The following KALRN variants were observed in gnomAD, a reference collection of about 807,000 sequenced individuals.
KALRN encodes kalirin RhoGEF kinase.
KALRN carries 70 observed loss-of-function variants against 353.7 expected under a neutral mutation model. The ratio of observed to expected loss-of-function variants is 0.20; its 90% CI spans 0.16 to 0.24. KALRN has a LOEUF of 0.24. KALRN is among the 10% of genes least tolerant of loss of function. KALRN has a pLI of 1.00. For missense variants in KALRN, 2,791 were observed against 3,756.7 expected (o/e 0.74, Z 6.72); for synonymous variants, 1,391 against 1,434.8 (o/e 0.97, Z 0.69).
chr3:124,490,974 T>G, intron 30 of KALRN, 90 bp downstream of exon 30: 1 of 1,197,280 alleles, frequency 8.4e-7, no homozygotes, highest in Non-Finnish European at 1.2e-6. Context: ...TCTCATCTCC[T>G]CCCCGGCCTC....
intron 1 of KALRN, among the ~76,000 whole-genome samples, chr3:124,142,753 AC>A (rs1213626063): frequency 6.7e-6 from 1 of 149,616 alleles, no homozygotes; most frequent in Non-Finnish European, 1.5e-5. Flanking sequence ...TTCCATCTCC[AC>A]CCCCCACCCA....
chr3:124,099,122 ATCTTC>A (rs1578039464), intron 1 of KALRN, among the ~76,000 whole-genome samples: 1 of 152,222 alleles, frequency 6.6e-6, no homozygotes, highest in African/African-American at 2.4e-5. Flanking sequence ...AACATTTCAA[ATCTTC>A]TCTTCTAGCT....
chr3:124,494,692 A>G (rs2108504906), intron 32 of KALRN, among the ~76,000 whole-genome samples: 1 of 152,354 alleles, frequency 6.6e-6, no homozygotes, highest in East Asian at 1.9e-4. Context: ...TGATGAATAG[A>G]CATTGTGTGT....
intron 55 of KALRN, among the ~76,000 whole-genome samples, chr3:124,698,472 C>T (rs2062166465): frequency 6.6e-6 from 1 of 152,172 alleles, no homozygotes; most frequent in Non-Finnish European, 1.5e-5. Flanking sequence ...TCCAAACCTC[C>T]CTGACATATT....
intron 1 of KALRN, among the ~76,000 whole-genome samples, chr3:124,083,985 G>C (rs530809801): frequency 6.6e-6 from 1 of 152,304 alleles, no homozygotes; most frequent in South Asian, 2.1e-4. Flanking sequence ...TAGCGAGAAG[G>C]GACTTGGGAC....
At chr3:124,592,741 C>A (rs1489829529) in intron 34 of KALRN, among the ~76,000 whole-genome samples, 1 of 152,234 alleles carries the variant, frequency 6.6e-6, no homozygotes, top group African/African-American at 2.4e-5. Context: ...GCCTCCCTGC[C>A]TGCTGTAATC....
chr3:124,231,715 T>TA (rs940482385), intron 2 of KALRN, among the ~76,000 whole-genome samples: 1 of 152,182 alleles, frequency 6.6e-6, no homozygotes, highest in Admixed American at 6.5e-5. Context: ...AACTTTATTT[T>TA]TTTTTTTTAA....
chr3:124,358,944 G>A (rs866955457), intron 10 of KALRN, among the ~76,000 whole-genome samples: 3 of 152,106 alleles, frequency 2.0e-5, no homozygotes, highest in Non-Finnish European at 2.9e-5. Context: ...ATCAGGCCTG[G>A]TGGGGATCAG....
chr3:124,295,542 A>G (rs2076781254), intron 5 of KALRN, among the ~76,000 whole-genome samples: 1 of 152,084 alleles, frequency 6.6e-6, no homozygotes, highest in South Asian at 2.1e-4. Context: ...TCTGGTGCTG[A>G]GCAATCTAAT....
intron 10 of KALRN, among the ~76,000 whole-genome samples, chr3:124,361,842 G>C (rs1295894360): frequency 6.7e-6 from 1 of 149,346 alleles, no homozygotes; most frequent in South Asian, 2.1e-4. Context: ...GCAGCAGTGG[G>C]GGTGGGGAGT....
In KALRN at chr3:124,562,493, G is replaced by A. The variant is rs148861467; in HGVS notation, c.4936-350G>A. Among the ~76,000 whole-genome samples, 3 of 152,288 alleles carry A rather than the reference G, an allele frequency of 2.0e-5. No individual in the cohort carries two copies. In the East Asian group the frequency reaches 5.8e-4, roughly 29 times the overall value. ...GGGAAGGGGTTTAACGGCACAATTA[G>A]CTGAAGCTTGGCAAAGGAATAATGA... On this transcript the variant is annotated intron_variant, in intron 33 of 59. Transcript: ENST00000682506.
At chr3:124,677,688 G>A in intron 49 of KALRN, 1 of 440,104 alleles carries the variant, frequency 2.3e-6, no homozygotes, top group Non-Finnish European at 4.5e-6. Context: ...TTTGGGAGTG[G>A]CCCTGCCCAA....
intron 10 of KALRN, among the ~76,000 whole-genome samples, chr3:124,368,988 G>C (rs893256006): frequency 1.3e-5 from 2 of 151,942 alleles, no homozygotes; most frequent in African/African-American, 2.4e-5. Flanking sequence ...GCAGTGAGCC[G>C]AGATGGCAGC....
At chr3:124,572,959 C>T (rs1421128786) in intron 34 of KALRN, among the ~76,000 whole-genome samples, 1 of 152,030 alleles carries the variant, frequency 6.6e-6, no homozygotes, top group East Asian at 1.9e-4. Flanking sequence ...ATCACTTGAG[C>T]CCAGGAGGTC....
intron 1 of KALRN, among the ~76,000 whole-genome samples, chr3:124,039,613 T>C (rs114935696): frequency 0.02 from 2,972 of 152,296 alleles, 90 homozygotes; most frequent in African/African-American, 0.066. Flanking sequence ...CCTTAAACTA[T>C]TGTCATGTCC....
chr3:124,395,384 C>T (rs746815531), intron 12 of KALRN, 41 bp downstream of exon 12: 8 of 1,527,624 alleles, frequency 5.2e-6, no homozygotes, highest in Non-Finnish European at 7.2e-6. Flanking sequence ...ATGCCTCGGG[C>T]TAGACGTGAG....
At chr3:124,540,212 C>T (rs1205345319) in intron 33 of KALRN, among the ~76,000 whole-genome samples, 1 of 152,038 alleles carries the variant, frequency 6.6e-6, no homozygotes, top group Admixed American at 6.5e-5. Flanking sequence ...AGCCACTGCA[C>T]CCGGCCACAT....
At chr3:124,424,284 C>G (rs1212819539) in intron 15 of KALRN, among the ~76,000 whole-genome samples, 2 of 152,152 alleles carry the variant, frequency 1.3e-5, no homozygotes, top group African/African-American at 4.8e-5. Flanking sequence ...TCTATAGCAG[C>G]TGCTGGAGCT....
intron 33 of KALRN, among the ~76,000 whole-genome samples, chr3:124,510,475 C>T (rs992797138): frequency 2.0e-5 from 3 of 151,520 alleles, no homozygotes; most frequent in Admixed American, 6.6e-5. Context: ...GAACACCATT[C>T]AAAGGAATTT....
Sources: gnomAD v4.1 joint callset for allele counts (sites outside exome capture counted in the v4.1 genomes callset) on GRCh38, gnomAD v4.1.1 for gene constraint, MANE v1.5 for transcripts, NCBI Gene and HGNC (gene_info 2026-07-23, HGNC 2026-07-21) for gene names.